The following ANKS1A variants were observed in gnomAD, a reference collection of about 807,000 sequenced individuals.
The protein encoded by ANKS1A is ankyrin repeat and sterile alpha motif domain containing 1A, also known as ankyrin repeat and SAM domain-containing protein 1A.
In ANKS1A, 55 loss-of-function variants were observed where a neutral mutation model predicts 120.3. The observed-to-expected ratio is 0.46, with a 90% CI of 0.37 to 0.57. The LOEUF (loss-of-function observed/expected upper bound fraction) is 0.57, where lower values mean the gene tolerates loss of function less well. ANKS1A is among the 20% of genes least tolerant of loss of function. The pLI, the probability that ANKS1A is intolerant of heterozygous loss-of-function variation, is 0.00. For missense variants in ANKS1A, 1,123 were observed against 1,480.3 expected, an observed-to-expected ratio of 0.76 and a Z score of 3.96; for synonymous variants, 590 against 604.7, an observed-to-expected ratio of 0.98 and a Z score of 0.36.
At chr6:35,093,700 GT>G (rs1244224757), downstream of ANKS1A, among the ~76,000 whole-genome samples, 6 of 152,140 alleles carry the variant, frequency 3.9e-5, no homozygotes, top group Non-Finnish European at 5.9e-5. Context: ...AAAACCCCCA[GT>G]GGAAACACCA....
Position 35,084,372 on chromosome 6 carries a change from A to C in ANKS1A, c.3132+114A>C. 7.0e-7 allele frequency: 1 copy of C among 1,423,212 alleles called. No individual in the cohort carries two copies. Among genetic ancestry groups the C allele is most frequent in the South Asian group, 1.4e-5 (1 of 70,268 alleles). 88.2% of individuals were successfully genotyped at this position (1,423,212 alleles called of 1,614,324 possible). A position where few individuals can be genotyped will look rare whatever the true frequency, so the allele number is the denominator to read the frequency against. ...TCCTGGCCCCTGGCCAGTGCCTGGC[A>C]AATGTTTGGTTCATGAATGGAGCCC... On this transcript the variant is annotated intron_variant, in intron 21 of 23. Transcript: ENST00000360359. This position sits in a 1 kb window ranked among gnomAD's most constrained non-coding sequence, Gnocchi z 4.8.
intron 1 of ANKS1A, among the ~76,000 whole-genome samples, chr6:34,898,593 C>T (rs1050760910): frequency 6.6e-6 from 1 of 152,096 alleles, no homozygotes. Context: ...GACTGTAAAC[C>T]TCTGCCTTTA....
At chr6:34,938,513 C>A (rs1207775912) in intron 1 of ANKS1A, among the ~76,000 whole-genome samples, 1 of 152,192 alleles carries the variant, frequency 6.6e-6, no homozygotes, top group Non-Finnish European at 1.5e-5. Flanking sequence ...CTGTGCCATG[C>A]ACATAACCGA....
At chr6:35,000,912 A>G (rs1203955647) in intron 10 of ANKS1A, among the ~76,000 whole-genome samples, 1 of 152,200 alleles carries the variant, frequency 6.6e-6, no homozygotes, top group East Asian at 1.9e-4. Context: ...TAAACATGTT[A>G]GCTAAAGTTA....
chr6:34,905,709 AGAGTTT>A (rs1364319315), intron 1 of ANKS1A, among the ~76,000 whole-genome samples: 1 of 152,238 alleles, frequency 6.6e-6, no homozygotes, highest in Non-Finnish European at 1.5e-5. Flanking sequence ...TGTGGCCGTC[AGAGTTT>A]GAGTAGAGCA....
chr6:35,062,170 C>T (rs1233910640), intron 13 of ANKS1A, among the ~76,000 whole-genome samples: 1 of 152,242 alleles, frequency 6.6e-6, no homozygotes, highest in African/African-American at 2.4e-5. Flanking sequence ...TAGAAGGACC[C>T]TCATTGAGGG....
intron 1 of ANKS1A, among the ~76,000 whole-genome samples, chr6:34,929,454 T>A (rs1768870319): frequency 6.6e-6 from 1 of 152,216 alleles, no homozygotes; most frequent in Admixed American, 6.5e-5. Context: ...GATGGGGAAC[T>A]TGGCTTGCTT....
intron 13 of ANKS1A, among the ~76,000 whole-genome samples, chr6:35,062,883 G>T (rs1416161329): frequency 6.6e-6 from 1 of 152,176 alleles, no homozygotes; most frequent in Non-Finnish European, 1.5e-5. Flanking sequence ...TTTATATTGA[G>T]TCAAAATCTG....
chr6:35,005,576 G>A (rs1773404173), intron 10 of ANKS1A, among the ~76,000 whole-genome samples: 1 of 152,200 alleles, frequency 6.6e-6, no homozygotes, highest in Non-Finnish European at 1.5e-5. Flanking sequence ...TGAGATAAAA[G>A]CAGATAGTAT....
chr6:34,910,247 T>G (rs16895467), intron 1 of ANKS1A, among the ~76,000 whole-genome samples: 11,838 of 152,168 alleles, frequency 0.078, 667 homozygotes, highest in East Asian at 0.33. Context: ...GTGGGTGATC[T>G]CTCCTATGAC....
intron 1 of ANKS1A, among the ~76,000 whole-genome samples, chr6:34,894,157 T>A (rs1172910081): frequency 6.6e-6 from 1 of 152,192 alleles, no homozygotes; most frequent in Non-Finnish European, 1.5e-5. Context: ...CTATCAAACT[T>A]CTTAACTTAC....
In ANKS1A at chr6:35,089,257, A is replaced by G. The variant is rs1778168967; in HGVS notation, c.*648A>G. 24 of 987,410 alleles carry G rather than the reference A, an allele frequency of 2.4e-5. No homozygotes were observed. Among genetic ancestry groups the G allele is most frequent in the Non-Finnish European group, 2.9e-5 (24 of 831,218 alleles). The allele number at this position is 987,410 out of a possible 1,614,324, so 61.2% of individuals were successfully genotyped here. On this transcript the variant is annotated 3_prime_UTR_variant, in exon 24 of 24. Transcript: ENST00000360359. ...GCCTTAGAGGCACCTGAGCAACTCA[A>G]AGGTTTCCGGTCCATTTCTGGGGTT...
chr6:35,048,239 G>A (rs187962452), intron 11 of ANKS1A, among the ~76,000 whole-genome samples: 7 of 152,316 alleles, frequency 4.6e-5, no homozygotes, highest in African/African-American at 1.7e-4. Flanking sequence ...AGGAAAAGGG[G>A]AGTTGAAAAA....
intron 1 of ANKS1A, among the ~76,000 whole-genome samples, chr6:34,951,219 G>A (rs1005139742): frequency 6.6e-6 from 1 of 151,950 alleles, no homozygotes; most frequent in African/African-American, 2.4e-5. Context: ...TACGAAAATT[G>A]TAAACTGGAA....
intron 7 of ANKS1A, among the ~76,000 whole-genome samples, chr6:34,984,293 C>T (rs540290688): frequency 6.6e-6 from 1 of 152,138 alleles, no homozygotes; most frequent in South Asian, 2.1e-4. Context: ...AAGATTGACA[C>T]CTTTCCCCAA....
intron 6 of ANKS1A, 49 bp from the exon 7 acceptor site, chr6:34,983,275 G>C: frequency 6.2e-7 from 1 of 1,610,982 alleles, no homozygotes; most frequent in East Asian, 2.2e-5. Flanking sequence ...CAAGGCATTT[G>C]TATTTGGTGC....
chr6:35,047,121 A>G (rs1206126075), intron 11 of ANKS1A, among the ~76,000 whole-genome samples: 14 of 152,224 alleles, frequency 9.2e-5, no homozygotes, highest in Non-Finnish European at 1.5e-5. Context: ...AGAGGTAATT[A>G]GGAGTGGTAA....
At chr6:34,942,174 TC>T (rs1769568340) in intron 1 of ANKS1A, among the ~76,000 whole-genome samples, 2 of 152,220 alleles carry the variant, frequency 1.3e-5, no homozygotes, top group African/African-American at 4.8e-5. Context: ...CTCATACGAT[TC>T]CCCAATTAAA....
chr6:34,979,095 C>T (rs1771765299), intron 3 of ANKS1A, among the ~76,000 whole-genome samples: 1 of 152,034 alleles, frequency 6.6e-6, no homozygotes, highest in African/African-American at 2.4e-5. Context: ...CGGGGTTTCA[C>T]TGTGTTAGCC....
Sources: gnomAD v4.1 joint callset for allele counts (sites outside exome capture counted in the v4.1 genomes callset) on GRCh38, gnomAD v4.1.1 for gene constraint, Gnocchi (gnomAD v3.1) non-coding constraint, MANE v1.5 for transcripts, NCBI Gene and HGNC (gene_info 2026-07-23, HGNC 2026-07-21) for gene names.